The following DIP2C variants were observed in gnomAD, a reference collection of about 807,000 sequenced individuals.
The protein encoded by DIP2C is DIP2 acetate--CoA ligase C (putative).
In DIP2C, 33 loss-of-function variants were observed where a neutral mutation model predicts 192.4. The observed-to-expected ratio is 0.17, with a 90% confidence interval of 0.13 to 0.23. The LOEUF is 0.23. Among genes scored for constraint, DIP2C ranks in the 10% least tolerant of loss-of-function variants. The pLI is 1.00. For synonymous variants in DIP2C, 979 were observed against 864.1 expected (o/e 1.13, Z -2.33); for missense variants, 1,537 against 2,110.1 (o/e 0.73, Z 5.32).
At chr10:546,653 G>C (rs183369605) in intron 1 of DIP2C, among the ~76,000 whole-genome samples, 80 of 152,332 alleles carry the variant, frequency 5.3e-4, no homozygotes, top group Non-Finnish European at 9.8e-4. Context: ...CCTGGTCGAC[G>C]GGCCTTTCTG....
chr10:337,853 T>A (rs376937620), intron 29 of DIP2C, among the ~76,000 whole-genome samples: 7 of 49,158 alleles, frequency 1.4e-4, no homozygotes, highest in Admixed American at 2.7e-4. Context: ...AGGCCTAGGT[T>A]GATGTGTGTG....
At chr10:410,938 T>C (rs373226211) in intron 8 of DIP2C, among the ~76,000 whole-genome samples, 8 of 152,282 alleles carry the variant, frequency 5.3e-5, no homozygotes, top group South Asian at 2.1e-4. Context: ...GTCAGCACTA[T>C]TGTATTAGAT....
intron 1 of DIP2C, among the ~76,000 whole-genome samples, chr10:593,550 T>C (rs1851529065): frequency 8.0e-6 from 1 of 125,610 alleles, no homozygotes; most frequent in Non-Finnish European, 1.6e-5. Flanking sequence ...AAGGCTGCCC[T>C]GACTTCCAAC....
intron 1 of DIP2C, among the ~76,000 whole-genome samples, chr10:538,931 T>A (rs568059806): frequency 6.6e-6 from 1 of 151,524 alleles, no homozygotes; most frequent in African/African-American, 2.4e-5. Flanking sequence ...TATATGAACC[T>A]CAGTTGTGAG....
intron 17 of DIP2C, among the ~76,000 whole-genome samples, chr10:381,837 C>T (rs1473306428): frequency 1.3e-5 from 2 of 152,174 alleles, no homozygotes; most frequent in Non-Finnish European, 2.9e-5. Context: ...GGAGTATTGC[C>T]GTGGACATGC....
chr10:374,995 G>A (rs1961399072), intron 17 of DIP2C, among the ~76,000 whole-genome samples: 1 of 152,240 alleles, frequency 6.6e-6, no homozygotes, highest in Non-Finnish European at 1.5e-5. Context: ...GACCATCTCA[G>A]TGATCTCCAG....
intron 2 of DIP2C, among the ~76,000 whole-genome samples, chr10:481,252 GAACA>G (rs1173927671): frequency 2.0e-5 from 3 of 152,236 alleles, no homozygotes; most frequent in African/African-American, 7.2e-5. Context: ...AAAGACGACA[GAACA>G]AAATGGCATT....
intron 1 of DIP2C, among the ~76,000 whole-genome samples, chr10:646,518 G>C (rs1052923671): frequency 2.6e-5 from 4 of 152,260 alleles, no homozygotes; most frequent in Non-Finnish European, 5.9e-5. Flanking sequence ...GGATCACAGG[G>C]CCTGCCTCAT....
chr10:305,011 AAC>A lies in DIP2C; in HGVS notation c.3986+5018_3986+5019del, dbSNP rs565420618. The stretch of plus-strand genomic sequence containing the variant: ...AGTCACACAACTGCAACATACTTGC[AAC>A]ACACTCATGACACATATATGCACGT... On this transcript the variant is annotated intron_variant, in intron 32 of 36. Coordinates refer to ENST00000280886, the MANE Select transcript of DIP2C (RefSeq NM_014974.3). Among the ~76,000 whole-genome samples the A allele has an allele frequency of 7.0e-3, 663 of 94,082 alleles. 1 individual carries two copies. Among genetic ancestry groups the A allele is most frequent in the Non-Finnish European group, 0.011 (458 of 40,078 alleles). 61.7% of individuals were successfully genotyped at this position (94,082 alleles called of 152,430 possible).
At chr10:510,921 G>A (rs1053173299) in intron 1 of DIP2C, among the ~76,000 whole-genome samples, 3 of 152,098 alleles carry the variant, frequency 2.0e-5, no homozygotes, top group Non-Finnish European at 4.4e-5. Flanking sequence ...TCATACGGGG[G>A]CACAAACATG....
At chr10:581,978 G>A (rs1588516221) in intron 1 of DIP2C, among the ~76,000 whole-genome samples, 2 of 151,586 alleles carry the variant, frequency 1.3e-5, no homozygotes, top group South Asian at 4.2e-4. Context: ...TCAGGCATTG[G>A]ATCCTCATAA....
intron 3 of DIP2C, among the ~76,000 whole-genome samples, chr10:469,315 A>G (rs1331720025): frequency 2.0e-5 from 2 of 102,302 alleles, no homozygotes; most frequent in African/African-American, 3.2e-5. Context: ...ACTGGTACTG[A>G]TTTTTTTTTT....
chr10:356,024 G>A (rs1279796888), intron 24 of DIP2C, among the ~76,000 whole-genome samples: 5 of 152,356 alleles, frequency 3.3e-5, no homozygotes, highest in African/African-American at 1.2e-4. Context: ...AGGTTGCAGT[G>A]AGCGGAGATC....
rs1857100290 is a variant in DIP2C at position 666,498 on chromosome 10, G to A, written c.85+22996C>T. On this transcript the variant is annotated intron_variant, in intron 1 of 36. Transcript: ENST00000280886. This position sits in a 1 kb window ranked among gnomAD's most constrained non-coding sequence, Gnocchi z 4.1. ...GACTGAGATCCTGTGGCCTGAGTCG[G>A]GGCCGGGGAAACCAAGCCTGCAGGA... The A allele has an allele frequency of 6.6e-6, 1 of 152,348 alleles. No homozygotes were observed. The highest frequency in any genetic ancestry group is 6.5e-5 in the Admixed American group (1 of 15,290). 9.4% of individuals were successfully genotyped at this position (152,348 alleles called of 1,614,324 possible).
Position 363,087 on chromosome 10 carries a change from AAG to A in DIP2C, c.2592+108_2592+109del, listed in dbSNP as rs2132724468. On this transcript the variant is annotated intron_variant, in intron 21 of 36. Coordinates refer to ENST00000280886, the MANE Select transcript of DIP2C (RefSeq NM_014974.3). This position sits in a 1 kb window ranked among gnomAD's most constrained non-coding sequence, Gnocchi z 5.4. ...CCTGATCAAATGAAGGGAAGGGAAA[AAG>A]GGCCACCCCATGGGCAAAGCAACAG... is the stretch of plus-strand genomic sequence containing the variant. The A allele has an allele frequency of 1.1e-6, 1 of 922,000 alleles. No individual in the cohort carries two copies. The highest frequency in any genetic ancestry group is 1.7e-5 in the South Asian group (1 of 59,328). The allele number at this position is 922,000 out of a possible 1,614,324, so 57.1% of individuals were successfully genotyped here.
intron 31 of DIP2C, among the ~76,000 whole-genome samples, chr10:321,186 G>A (rs1413795616): frequency 6.6e-6 from 1 of 152,216 alleles, no homozygotes; most frequent in Non-Finnish European, 1.5e-5. Flanking sequence ...TCCTGTGTCA[G>A]GTATGTTCTA....
intron 2 of DIP2C, among the ~76,000 whole-genome samples, chr10:482,060 T>C (rs981998158): frequency 6.6e-6 from 1 of 152,178 alleles, no homozygotes; most frequent in Non-Finnish European, 1.5e-5. Flanking sequence ...ATCCGGATGG[T>C]CTGACTGAAG....
intron 1 of DIP2C, among the ~76,000 whole-genome samples, chr10:673,787 C>G (rs911649421): frequency 2.0e-5 from 3 of 152,192 alleles, no homozygotes; most frequent in Admixed American, 6.5e-5. Context: ...AACCAGTCAT[C>G]AAGAAAACAA....
intron 9 of DIP2C, among the ~76,000 whole-genome samples, chr10:400,536 C>T (rs1215211946): frequency 1.3e-5 from 2 of 152,090 alleles, no homozygotes; most frequent in Non-Finnish European, 1.5e-5. Flanking sequence ...TTCATCAGCA[C>T]ATGAATCCTG....
Sources: allele counts gnomAD v4.1 joint callset (sites outside exome capture counted in the v4.1 genomes callset), GRCh38; gene constraint gnomAD v4.1.1; non-coding constraint Gnocchi (gnomAD v3.1); transcripts MANE v1.5; gene names NCBI Gene and HGNC (gene_info 2026-07-23, HGNC 2026-07-21).